Variants in PLCL1 observed in about 807,000 individuals in gnomAD.
PLCL1 encodes the protein phospholipase C like 1 (inactive).
PLCL1 carries 41 observed loss-of-function variants against 84.4 expected under a neutral mutation model. The observed-to-expected ratio is 0.49, with a 90% CI of 0.38 to 0.63. PLCL1 has a LOEUF of 0.63. PLCL1 is among the 30% of genes least tolerant of loss of function. The pLI is 0.00. For synonymous variants in PLCL1, 490 were observed against 488.3 expected (o/e 1.00, Z -0.05); for missense variants, 1,206 against 1,367.8 (o/e 0.88, Z 1.87).
At chr2:197,972,480 G>C (rs1689890452) in intron 1 of PLCL1, among the ~76,000 whole-genome samples, 1 of 152,100 alleles carries the variant, frequency 6.6e-6, no homozygotes. Context: ...AAACATCCTC[G>C]TAATGTTAAT....
At chr2:198,048,668 C>A (rs550128512) in intron 1 of PLCL1, among the ~76,000 whole-genome samples, 1 of 152,310 alleles carries the variant, frequency 6.6e-6, no homozygotes, top group South Asian at 2.1e-4. Context: ...CATGTGAACT[C>A]ATTACCATGG....
chr2:198,002,496 T>C (rs1690627227), intron 1 of PLCL1, among the ~76,000 whole-genome samples: 1 of 152,204 alleles, frequency 6.6e-6, no homozygotes, highest in Non-Finnish European at 1.5e-5. Context: ...CATAGTGGGA[T>C]ATACAAAAAT....
At chr2:198,146,139 C>A (rs928405798) in intron 5 of PLCL1, among the ~76,000 whole-genome samples, 2 of 152,114 alleles carry the variant, frequency 1.3e-5, no homozygotes, top group African/African-American at 4.8e-5. Flanking sequence ...TCCTCATTTC[C>A]TTTTTGTTTT....
At position 198,085,268 on chromosome 2, in the gene PLCL1, A is replaced by G; in HGVS notation, c.1751A>G (p.Glu584Gly). 2 of 1,613,988 alleles carry G rather than the reference A, an allele frequency of 1.2e-6. No individual in the cohort carries two copies. Among genetic ancestry groups the G allele is most frequent in the Non-Finnish European group, 1.7e-6 (2 of 1,179,878 alleles). Residue 584 changes from glutamate to glycine, a missense_variant, in exon 2 of 6, where the codon GAG becomes GGG. Coordinates refer to ENST00000428675, the MANE Select transcript of PLCL1 (RefSeq NM_006226.4). This position sits in a 1 kb window ranked among gnomAD's most constrained non-coding sequence, Gnocchi z 5.3. ...GEQKQIRLCR[E>G]LSDLVSICKS... ...CAGAAGCAAATCCGACTCTGTAGGG[A>G]GCTCTCTGATTTGGTGTCTATTTGT...
intron 1 of PLCL1, among the ~76,000 whole-genome samples, chr2:198,021,251 G>A (rs2105839742): frequency 6.6e-6 from 1 of 152,314 alleles, no homozygotes; most frequent in South Asian, 2.1e-4. Flanking sequence ...CTAAAGCAGT[G>A]TTTAGAGGGA....
intron 1 of PLCL1, among the ~76,000 whole-genome samples, chr2:197,832,481 AAT>A (rs1438107346): frequency 6.6e-6 from 1 of 152,238 alleles, no homozygotes; most frequent in Non-Finnish European, 1.5e-5. Context: ...TGAATAGACC[AAT>A]AAGTTCTGAA....
At chr2:197,938,001 T>C (rs976178393) in intron 1 of PLCL1, among the ~76,000 whole-genome samples, 6 of 152,176 alleles carry the variant, frequency 3.9e-5, no homozygotes, top group African/African-American at 1.4e-4. Context: ...TGGAGATGAA[T>C]AGAGAAGTTA....
chr2:197,934,192 T>C (rs1481571188), intron 1 of PLCL1, among the ~76,000 whole-genome samples: 1 of 152,210 alleles, frequency 6.6e-6, no homozygotes, highest in African/African-American at 2.4e-5. Context: ...AGTTTTTTTG[T>C]TTGTTTTTTG....
chr2:198,029,169 T>C (rs965627829), intron 1 of PLCL1, among the ~76,000 whole-genome samples: 6 of 152,178 alleles, frequency 3.9e-5, no homozygotes, highest in African/African-American at 1.4e-4. Flanking sequence ...CTTTCTATCT[T>C]TGGGAGGGTG....
At chr2:198,124,051 T>A (rs548442527) in intron 5 of PLCL1, among the ~76,000 whole-genome samples, 18 of 152,210 alleles carry the variant, frequency 1.2e-4, no homozygotes, top group African/African-American at 4.3e-4. Context: ...AAGCTAACGT[T>A]TGAGTTTCCT....
At chr2:198,051,273 C>G (rs1691923507) in intron 1 of PLCL1, among the ~76,000 whole-genome samples, 6 of 152,074 alleles carry the variant, frequency 3.9e-5, no homozygotes, top group Admixed American at 3.9e-4. Context: ...GAGAAAAAAA[C>G]TTTGTATTTT....
chr2:197,830,429 C>A (rs1035961976), intron 1 of PLCL1, among the ~76,000 whole-genome samples: 3 of 151,520 alleles, frequency 2.0e-5, no homozygotes, highest in Non-Finnish European at 4.4e-5. Context: ...TCAGAGATTG[C>A]AGATCGACTT....
At chr2:198,140,677 C>CT (rs1694364756) in intron 5 of PLCL1, among the ~76,000 whole-genome samples, 1 of 151,994 alleles carries the variant, frequency 6.6e-6, no homozygotes, top group African/African-American at 2.4e-5. Context: ...TTTTCTGAGC[C>CT]TTTCATATGG....
At chr2:198,010,835 C>A (rs1448506464) in intron 1 of PLCL1, among the ~76,000 whole-genome samples, 1 of 151,352 alleles carries the variant, frequency 6.6e-6, no homozygotes, top group Non-Finnish European at 1.5e-5. Flanking sequence ...AATCTCCTCA[C>A]TAGTTATAGA....
chr2:197,996,796 C>T (rs1230541168), intron 1 of PLCL1, among the ~76,000 whole-genome samples: 1 of 152,104 alleles, frequency 6.6e-6, no homozygotes, highest in Non-Finnish European at 1.5e-5. Context: ...GGCTGTAGTA[C>T]ATCCTGTTTT....
At chr2:198,145,602 C>T (rs1230804714) in intron 5 of PLCL1, among the ~76,000 whole-genome samples, 1 of 152,180 alleles carries the variant, frequency 6.6e-6, no homozygotes, top group Non-Finnish European at 1.5e-5. Flanking sequence ...TTAACACAAA[C>T]ATCAGGCAAA....
intron 1 of PLCL1, among the ~76,000 whole-genome samples, chr2:197,994,883 C>T (rs1690426530): frequency 6.6e-6 from 1 of 152,184 alleles, no homozygotes; most frequent in South Asian, 2.1e-4. Flanking sequence ...GTGTCCTAGG[C>T]ATCAGTTTTC....
At chr2:197,979,528 ATCTG>A (rs1690061014) in intron 1 of PLCL1, among the ~76,000 whole-genome samples, 1 of 152,140 alleles carries the variant, frequency 6.6e-6, no homozygotes, top group African/African-American at 2.4e-5. Flanking sequence ...TCCTACTGCT[ATCTG>A]TCTGCAGAAG....
chr2:197,835,662 GAGAC>G (rs1267707771), intron 1 of PLCL1, among the ~76,000 whole-genome samples: 2 of 152,158 alleles, frequency 1.3e-5, no homozygotes, highest in Non-Finnish European at 2.9e-5. Flanking sequence ...TGATTTCTCT[GAGAC>G]TCTGTTTCTT....
Sources: gnomAD v4.1 joint callset for allele counts (sites outside exome capture counted in the v4.1 genomes callset) on GRCh38, gnomAD v4.1.1 for gene constraint, Gnocchi (gnomAD v3.1) non-coding constraint, MANE v1.5 for transcripts, NCBI Gene and HGNC (gene_info 2026-07-23, HGNC 2026-07-21) for gene names.